Variants in LRCH2 observed in about 807,000 individuals in gnomAD.
LRCH2 encodes leucine-rich repeat and calponin homology domain-containing protein 2.
LRCH2 carries 38 observed loss-of-function variants against 68.9 expected under a neutral mutation model. That is an observed-to-expected ratio of 0.55 (90% CI 0.43 to 0.72). The LOEUF is 0.72. Among genes scored for constraint, LRCH2 ranks in the 30% least tolerant of loss-of-function variants. The probability of loss-of-function intolerance (pLI) is 0.00; values close to 1 mark genes in which losing one functional copy is unlikely to be tolerated. For missense variants in LRCH2, 528 were observed against 572.9 expected, an observed-to-expected ratio of 0.92 and a Z score of 0.80; for synonymous variants, 191 against 208.1, an observed-to-expected ratio of 0.92 and a Z score of 0.71.
chrX:115,124,310 C>T lies in LRCH2; in HGVS notation c.1792-308G>A, dbSNP rs1244122601. ...TTTGAAAGAATCAGACTGAAGTTTC[C>T]GAAAAAAAGAAGTAAGCTTCAATGA... is the stretch of plus-strand genomic sequence containing the variant. On this transcript the variant is annotated intron_variant, in intron 16 of 20. Transcript: ENST00000317135. Among the ~76,000 whole-genome samples the T allele has an allele frequency of 4.5e-5, 5 of 110,990 alleles. No individual in the cohort carries two copies. In the East Asian group the frequency reaches 8.5e-4, roughly 19 times the overall value.
chrX:115,180,000 C>T (rs781878713), intron 3 of LRCH2, among the ~76,000 whole-genome samples: 1 of 110,320 alleles, frequency 9.1e-6, no homozygotes, highest in South Asian at 3.9e-4. Flanking sequence ...ACTACAACCT[C>T]TCGAAAATCT....
intron 14 of LRCH2, among the ~76,000 whole-genome samples, chrX:115,147,152 A>G (rs920223075): frequency 2.7e-5 from 3 of 111,653 alleles, no homozygotes; most frequent in Non-Finnish European, 5.6e-5. Context: ...CCTCAAGTGT[A>G]GTGTATTTTA....
At chrX:115,230,335 G>A (rs1013977987) in intron 1 of LRCH2, among the ~76,000 whole-genome samples, 3 of 110,977 alleles carry the variant, frequency 2.7e-5, no homozygotes, top group African/African-American at 9.8e-5. Flanking sequence ...AAAAGGTCAT[G>A]AATCTCCAAT....
At chrX:115,113,472 T>C in intron 20 of LRCH2, 137 bp from the exon 21 acceptor site, 1 of 470,283 alleles carries the variant, frequency 2.1e-6, no homozygotes, top group African/African-American at 2.4e-5. Context: ...CTTATAAATA[T>C]TGTAATCTAA....
At chrX:115,118,363 A>C (rs2072102953) in intron 20 of LRCH2, among the ~76,000 whole-genome samples, 1 of 110,258 alleles carries the variant, frequency 9.1e-6, no homozygotes, top group Non-Finnish European at 1.9e-5. Flanking sequence ...AGAAAAACGA[A>C]CTACCACCAG....
intron 1 of LRCH2, among the ~76,000 whole-genome samples, chrX:115,203,671 T>A (rs2072945217): frequency 1.8e-5 from 2 of 112,493 alleles, no homozygotes; most frequent in South Asian, 3.6e-4. Context: ...TCCAAAATAA[T>A]CTTCTTTCAA....
At chrX:115,200,699 T>G (rs2072924403) in intron 1 of LRCH2, among the ~76,000 whole-genome samples, 5 of 109,295 alleles carry the variant, frequency 4.6e-5, no homozygotes, top group Middle Eastern at 4.8e-3. Flanking sequence ...GGCTGAGGGA[T>G]TCACAGCCAA....
intron 1 of LRCH2, chrX:115,189,992 C>T (rs1556556734): frequency 4.3e-6 from 5 of 1,163,718 alleles, no homozygotes; most frequent in Non-Finnish European, 5.7e-6. Flanking sequence ...AAGGCACCGA[C>T]TGTGTCGGGG....
rs143396803 is a variant in LRCH2, at chrX:115,113,132, G to A, written c.*84C>T. The stretch of plus-strand genomic sequence containing the variant: ...TGACCTAAGGCAAACTATTTTTGAC[G>A]GAATATTCTTATTCATGAATTTGAA... On this transcript the variant is annotated 3_prime_UTR_variant, in exon 21 of 21. Transcript: ENST00000317135. 698 of 910,364 alleles carry A rather than the reference G, an allele frequency of 7.7e-4. 3 individuals carry two copies. In the East Asian group the frequency reaches 0.022, roughly 29 times the overall value. 75.0% of individuals were successfully genotyped at this position (910,364 alleles called of 1,213,427 possible). A position where few individuals can be genotyped will look rare whatever the true frequency, so the allele number is the denominator to read the frequency against.
At chrX:115,148,285 G>T (rs1279758551) in intron 14 of LRCH2, among the ~76,000 whole-genome samples, 2 of 111,427 alleles carry the variant, frequency 1.8e-5, no homozygotes, top group Non-Finnish European at 3.8e-5. Context: ...AGTCATAATT[G>T]TACTTACCTC....
At chrX:115,166,638 G>A (rs1556545224) in intron 6 of LRCH2, among the ~76,000 whole-genome samples, 2 of 110,848 alleles carry the variant, frequency 1.8e-5, no homozygotes, top group African/African-American at 6.5e-5. Context: ...TATCTTGATG[G>A]AAGACCTGTT....
intron 3 of LRCH2, 53 bp from the exon 4 acceptor site, chrX:115,179,804 AT>A: frequency 3.9e-6 from 2 of 511,554 alleles, no homozygotes; most frequent in Non-Finnish European, 5.6e-6. Flanking sequence ...AAATACATAT[AT>A]TATATATATA....
At chrX:115,172,343 G>A (rs1603056652) in intron 5 of LRCH2, among the ~76,000 whole-genome samples, 4 of 112,140 alleles carry the variant, frequency 3.6e-5, no homozygotes. Flanking sequence ...TAACTTCTAT[G>A]CCTCTGTTTT....
At position 115,123,092 on chromosome X, in the gene LRCH2, T is replaced by G; in HGVS notation, c.1950A>C (p.Arg650=). The change falls in exon 18 of 21, where the codon CGA becomes CGC. Residue 650 remains arginine (R), a synonymous_variant. Coordinates refer to ENST00000317135, the MANE Select transcript of LRCH2 (RefSeq NM_020871.4). Reference sequence around the variant, plus strand: ...CAATCTGACTTACGTTGCGAAGTTGTCGTATTTGCTCTCGCTCTTCCCGTA... The same window carrying G: ...CAATCTGACTTACGTTGCGAAGTTGGCGTATTTGCTCTCGCTCTTCCCGTA... ...EHLREEREQI[R]QLRNNLESRL... is the part of the protein sequence containing the mutation. 8.3e-7 allele frequency: 1 copy of G among 1,207,914 alleles called. No homozygotes were observed. The highest frequency in any genetic ancestry group is 1.1e-6 in the Non-Finnish European group (1 of 893,138).
intron 14 of LRCH2, among the ~76,000 whole-genome samples, chrX:115,137,226 G>A (rs949493156): frequency 4.5e-5 from 5 of 111,064 alleles, no homozygotes; most frequent in African/African-American, 6.5e-5. Flanking sequence ...GAAAGTATGA[G>A]GGTTCCAAAA....
intron 1 of LRCH2, among the ~76,000 whole-genome samples, chrX:115,201,240 C>T (rs782204561): frequency 2.7e-5 from 3 of 111,619 alleles, no homozygotes; most frequent in South Asian, 7.7e-4. Context: ...CCACCAGATC[C>T]CTTACACAAC....
At chrX:115,115,023 T>C (rs1051347284) in intron 20 of LRCH2, among the ~76,000 whole-genome samples, 36 of 110,946 alleles carry the variant, frequency 3.2e-4, no homozygotes, top group Middle Eastern at 4.8e-3. Flanking sequence ...ACTCATACAC[T>C]GAAAACTACA....
chrX:115,174,268 C>A (rs2072627653), intron 5 of LRCH2, among the ~76,000 whole-genome samples: 1 of 110,913 alleles, frequency 9.0e-6, no homozygotes, highest in African/African-American at 3.3e-5. Flanking sequence ...CAAGTAAATA[C>A]AATATTATTA....
rs1385860865 is a variant in LRCH2, at chrX:115,135,034, C to G, written c.1696-4835G>C. ...TCGTCATGGACGATTTTGAAGGGCT[C>G]AAGACATCAGTGGAGGAAATAACTG... On this transcript the variant is annotated intron_variant, in intron 14 of 20. Coordinates refer to ENST00000317135, the MANE Select transcript of LRCH2 (RefSeq NM_020871.4). 2.7e-5 allele frequency among the ~76,000 whole-genome samples: 3 copies of G among 110,343 alleles called. 1 individual carries two copies. The South Asian group carries it at 1.2e-3, about 43-fold the overall frequency.
Sources: allele counts gnomAD v4.1 joint callset (sites outside exome capture counted in the v4.1 genomes callset), GRCh38; gene constraint gnomAD v4.1.1; transcripts MANE v1.5; gene names NCBI Gene and HGNC (gene_info 2026-07-23, HGNC 2026-07-21).